The following VPS13B variants were observed in gnomAD, a reference collection of about 807,000 sequenced individuals.
VPS13B encodes the protein intermembrane lipid transfer protein VPS13B.
Under a neutral mutation model 426.4 loss-of-function variants are expected in VPS13B, and 285 were observed. That is an observed-to-expected ratio of 0.67 (90% CI 0.61 to 0.74). VPS13B has a LOEUF of 0.74. VPS13B is among the 30% of genes least tolerant of loss of function. The pLI is 0.00. For synonymous variants in VPS13B, 1,676 were observed against 1,676.4 expected, an observed-to-expected ratio of 1.00 and a Z score of 0.01; for missense variants, 4,537 against 4,782.6, an observed-to-expected ratio of 0.95 and a Z score of 1.51.
At chr8:99,713,958 G>A (rs1401996646) in intron 36 of VPS13B, among the ~76,000 whole-genome samples, 1 of 152,018 alleles carries the variant, frequency 6.6e-6, no homozygotes, top group Non-Finnish European at 1.5e-5. Context: ...TGGCCAACAT[G>A]GTGAAACCCC....
chr8:99,694,601 A>G (rs1286722637), intron 35 of VPS13B, among the ~76,000 whole-genome samples: 1 of 111,348 alleles, frequency 9.0e-6, no homozygotes, highest in African/African-American at 3.5e-5. Context: ...ACCCTAGAAG[A>G]AAACCTAGGC....
intron 22 of VPS13B, among the ~76,000 whole-genome samples, chr8:99,436,554 A>G (rs939657465): frequency 4.6e-5 from 7 of 152,134 alleles, no homozygotes; most frequent in African/African-American, 1.7e-4. Context: ...ACATCTTTAT[A>G]TAGGTTATCT....
chr8:99,061,296 C>CTTT (rs36037937), intron 3 of VPS13B, among the ~76,000 whole-genome samples: 26 of 112,954 alleles, frequency 2.3e-4, no homozygotes, highest in African/African-American at 5.2e-4. Context: ...TGCTAATTTT[C>CTTT]TTTTTTTTTT....
intron 19 of VPS13B, among the ~76,000 whole-genome samples, chr8:99,360,685 C>T (rs997758883): frequency 6.6e-6 from 1 of 151,976 alleles, no homozygotes; most frequent in Non-Finnish European, 1.5e-5. Context: ...TGGACATATA[C>T]CGGCTTGAGT....
intron 19 of VPS13B, among the ~76,000 whole-genome samples, chr8:99,381,762 T>C (rs1369165234): frequency 6.6e-6 from 1 of 152,158 alleles, no homozygotes; most frequent in African/African-American, 2.4e-5. Flanking sequence ...TGCTTTTTTT[T>C]TTCTTGTAGA....
chr8:99,586,477 C>G (rs1448290134), intron 33 of VPS13B, among the ~76,000 whole-genome samples: 1 of 152,172 alleles, frequency 6.6e-6, no homozygotes, highest in South Asian at 2.1e-4. Context: ...GTCATCCCGT[C>G]TTCCCAACTA....
intron 54 of VPS13B, among the ~76,000 whole-genome samples, chr8:99,837,265 C>T (rs150174817): frequency 3.3e-5 from 5 of 152,196 alleles, no homozygotes; most frequent in East Asian, 1.9e-4. Context: ...TGGAGACCTG[C>T]GTTTGTAGTG....
At chr8:99,404,074 G>A (rs3105184) in intron 21 of VPS13B, among the ~76,000 whole-genome samples, 1 of 151,982 alleles carries the variant, frequency 6.6e-6, no homozygotes, top group African/African-American at 2.4e-5. Context: ...TTAGCACAAT[G>A]TATTAATTTT....
At chr8:99,642,524 T>A in intron 34 of VPS13B, 26 bp downstream of exon 34, 1 of 1,569,654 alleles carries the variant, frequency 6.4e-7, no homozygotes, top group Admixed American at 1.8e-5. Flanking sequence ...CTTACTGGAG[T>A]GCTAATAATT....
intron 3 of VPS13B, among the ~76,000 whole-genome samples, chr8:99,065,442 GC>G (rs1844431470): frequency 6.6e-6 from 1 of 152,064 alleles, no homozygotes; most frequent in Non-Finnish European, 1.5e-5. Flanking sequence ...TGCAGAAAAG[GC>G]CTTCGACAAA....
At chr8:99,740,645 C>T (rs1809661126) in intron 39 of VPS13B, among the ~76,000 whole-genome samples, 1 of 152,130 alleles carries the variant, frequency 6.6e-6, no homozygotes. Context: ...CTCTACATGC[C>T]AGAAGAGAGT....
intron 31 of VPS13B, among the ~76,000 whole-genome samples, chr8:99,572,004 G>C (rs1825500874): frequency 6.6e-6 from 1 of 152,104 alleles, no homozygotes; most frequent in Non-Finnish European, 1.5e-5. Flanking sequence ...ACAAAAAATG[G>C]TGTAGAAAGA....
chr8:99,324,127 C>T (rs903417762), intron 19 of VPS13B, among the ~76,000 whole-genome samples: 9 of 152,138 alleles, frequency 5.9e-5, no homozygotes, highest in Non-Finnish European at 1.3e-4. Flanking sequence ...AGTAGGAGAT[C>T]GTTAAAACTC....
chr8:99,854,235 GCTGGGGCC>G lies in VPS13B; in HGVS notation c.10849_10856del (p.Gly3617PhefsTer2). On this transcript the variant is annotated frameshift_variant, in exon 56 of 62. Coordinates refer to ENST00000357162, the MANE Select transcript of VPS13B (RefSeq NM_152564.5). LOFTEE classifies it high-confidence loss of function. ...GCACGCCCTGGCAATGCACTATGCC[GCTGGGGCC>G]CTTTTTAGAGCAGGTAAGAACACAA... 1 of 1,613,898 alleles carries G rather than the reference GCTGGGGCC, an allele frequency of 6.2e-7. No individual in the cohort carries two copies.
chr8:99,534,370 A>G (rs1453446518), intron 30 of VPS13B, among the ~76,000 whole-genome samples: 1 of 152,212 alleles, frequency 6.6e-6, no homozygotes, highest in Non-Finnish European at 1.5e-5. Flanking sequence ...AAATGTATTT[A>G]CTTTTATATT....
At chr8:99,835,081 T>G (rs532094791) in intron 52 of VPS13B, 116 bp from the exon 53 acceptor site, 1 of 1,311,676 alleles carries the variant, frequency 7.6e-7, no homozygotes, top group South Asian at 1.2e-5. Context: ...CCCTGAGTTA[T>G]AAAACAGATA....
intron 34 of VPS13B, among the ~76,000 whole-genome samples, chr8:99,647,731 G>A (rs1829647926): frequency 6.6e-6 from 1 of 151,932 alleles, no homozygotes. Flanking sequence ...AGGCACAGGG[G>A]ACCTACACAG....
At chr8:99,370,571 A>C (rs925253398) in intron 19 of VPS13B, among the ~76,000 whole-genome samples, 1 of 151,554 alleles carries the variant, frequency 6.6e-6, no homozygotes, top group African/African-American at 2.4e-5. Flanking sequence ...AAATGCATAA[A>C]ATCTGTAGAT....
chr8:99,854,337 G>C (rs1406538812), intron 56 of VPS13B, 81 bp downstream of exon 56: 1 of 1,495,482 alleles, frequency 6.7e-7, no homozygotes, highest in Non-Finnish European at 9.1e-7. Flanking sequence ...CTCATTTCAA[G>C]ACCTAAAGAA....
Sources: gnomAD v4.1 joint callset for allele counts (sites outside exome capture counted in the v4.1 genomes callset) on GRCh38, gnomAD v4.1.1 for gene constraint, MANE v1.5 for transcripts, NCBI Gene and HGNC (gene_info 2026-07-23, HGNC 2026-07-21) for gene names.